ENTPD5: variants seen among roughly 807,000 people sequenced by gnomAD.
The protein encoded by ENTPD5 is nucleoside diphosphate phosphatase ENTPD5.
Under a neutral mutation model 60.2 loss-of-function variants are expected in ENTPD5, and 49 were observed. The ratio of observed to expected loss-of-function variants is 0.81; its 90% confidence interval spans 0.65 to 1.03. The LOEUF (loss-of-function observed/expected upper bound fraction) is 1.03. Among genes scored for constraint, ENTPD5 ranks in the 50% least tolerant of loss-of-function variants. The pLI, the probability that ENTPD5 is intolerant of heterozygous loss-of-function variation, is 0.00. For missense variants in ENTPD5, 480 were observed against 507.6 expected, an observed-to-expected ratio of 0.95 and a Z score of 0.52; for synonymous variants, 187 against 185.4, an observed-to-expected ratio of 1.01 and a Z score of -0.07.
chr14:73,961,841 TC>T, downstream of ENTPD5: 1 of 1,614,156 alleles, frequency 6.2e-7, no homozygotes. Context: ...TACCAGTGCC[TC>T]CCCGCTTGTG....
downstream of ENTPD5, chr14:73,961,464 C>G (rs1302685293): frequency 5.0e-6 from 8 of 1,614,056 alleles, no homozygotes; most frequent in Non-Finnish European, 6.8e-6. Flanking sequence ...GGGATGCAGC[C>G]CACAGAGTCC....
chr14:73,998,245 A>G (rs536639179), intron 3 of ENTPD5, among the ~76,000 whole-genome samples: 62 of 152,222 alleles, frequency 4.1e-4, no homozygotes, highest in African/African-American at 1.5e-3. Flanking sequence ...CCTGTTGTAC[A>G]AAGAAAGCAA....
At position 74,012,937 on chromosome 14, in the gene ENTPD5, C is replaced by T. The variant is rs578259445; in HGVS notation, c.-130-1787G>A. Reference sequence around the variant, plus strand: ...TCTAGTCTGCAGGATAAAAGACAAACTCCCTGTCTGACATTCTAAGTCATT... The same window carrying T: ...TCTAGTCTGCAGGATAAAAGACAAATTCCCTGTCTGACATTCTAAGTCATT... On this transcript the variant is annotated intron_variant, in intron 2 of 15. Transcript: ENST00000334696. Among the ~76,000 whole-genome samples, 12 of 152,338 alleles carry T rather than the reference C, an allele frequency of 7.9e-5. No individual in the cohort carries two copies. The South Asian group carries it at 1.2e-3, about 16-fold the overall frequency.
intron 6 of ENTPD5, 86 bp from the exon 7 acceptor site, chr14:73,977,460 A>G (rs370646199): frequency 2.0e-6 from 2 of 985,658 alleles, no homozygotes; most frequent in Non-Finnish European, 3.0e-6. Context: ...TGTAAGACTT[A>G]GAAAACTACT....
At position 73,964,841 on chromosome 14, in the gene ENTPD5, T is replaced by C. The variant is rs1228234490; in HGVS notation, c.*2087A>G. ...TAAGACCACTTAGAAGATAGGTAGA[T>C]TTCAGCTCAATATAAGGAATTTTTT... On this transcript the variant is annotated 3_prime_UTR_variant, in exon 16 of 16. Transcript: ENST00000334696. The C allele has an allele frequency of 6.6e-6, 1 of 151,140 alleles. No individual in the cohort carries two copies. Among genetic ancestry groups the C allele is most frequent in the African/African-American group, 2.4e-5 (1 of 41,414 alleles). The allele number at this position is 151,140 out of a possible 1,614,324, so 9.4% of individuals were successfully genotyped here.
chr14:73,977,937 A>G (rs560597628), intron 6 of ENTPD5, among the ~76,000 whole-genome samples: 8 of 152,316 alleles, frequency 5.3e-5, no homozygotes, highest in Middle Eastern at 3.4e-3. Context: ...TTGCAAAAAC[A>G]TCTTGCCTCT....
At chr14:73,987,748 C>A in intron 4 of ENTPD5, 138 bp downstream of exon 4, 1 of 670,928 alleles carries the variant, frequency 1.5e-6, no homozygotes, top group South Asian at 2.2e-5. Flanking sequence ...AATTGTAGTC[C>A]AAAGTTCTCT....
chr14:74,004,940 A>C (rs894958236), intron 3 of ENTPD5, among the ~76,000 whole-genome samples: 1 of 152,152 alleles, frequency 6.6e-6, no homozygotes, highest in Admixed American at 6.6e-5. Context: ...TGTAAGCTGT[A>C]ACCAGTATTT....
At position 73,982,083 on chromosome 14, in the gene ENTPD5, T is replaced by C. The variant is rs529219581; in HGVS notation, c.441+935A>G. Among the ~76,000 whole-genome samples, 12 of 152,284 alleles carry C rather than the reference T, an allele frequency of 7.9e-5. No homozygotes were observed. The South Asian group carries it at 2.5e-3, about 32-fold the overall frequency. On this transcript the variant is annotated intron_variant, in intron 6 of 15. Coordinates refer to ENST00000334696, the MANE Select transcript of ENTPD5 (RefSeq NM_001249.5). ...CCTAAAATATATAATTTTTTGTTTG[T>C]TTGTTTTTTGAGATGCAGTCTCGCT...
Position 73,987,985 on chromosome 14 carries a change from G to A in ENTPD5, c.118C>T (p.Pro40Ser). ...AAGGTGCTGGCGCTGACATTGATGG[G>A]GCACATGGAAGACAGGAAGATACCC... is the stretch of plus-strand genomic sequence containing the variant. ...FEGIFLSSMC[P>S]INVSASTLYG... The change falls in exon 4 of 16, where the codon CCC becomes TCC. Residue 40 changes from proline (P) to serine (S), a missense_variant. By Grantham distance (74) the Pro-to-Ser change is moderately conservative. Transcript: ENST00000334696. 6.2e-7 allele frequency: 1 copy of A among 1,614,106 alleles called. No individual in the cohort carries two copies. Among genetic ancestry groups the A allele is most frequent in the Non-Finnish European group, 8.5e-7 (1 of 1,180,038 alleles).
At chr14:74,007,393 T>C (rs1448922145) in intron 3 of ENTPD5, among the ~76,000 whole-genome samples, 3 of 152,016 alleles carry the variant, frequency 2.0e-5, no homozygotes, top group Non-Finnish European at 4.4e-5. Context: ...TGCTGGCGCA[T>C]GCCTGTAGTC....
At position 73,988,305 on chromosome 14, in the gene ENTPD5, G is replaced by A. The variant is rs539426933; in HGVS notation, c.-70-133C>T. 12 of 773,300 alleles carry A rather than the reference G, an allele frequency of 1.6e-5. No individual in the cohort carries two copies. The East Asian group carries it at 2.6e-4, about 17-fold the overall frequency. 47.9% of individuals were successfully genotyped at this position (773,300 alleles called of 1,614,324 possible). On this transcript the variant is annotated intron_variant, in intron 3 of 15. Coordinates refer to ENST00000334696, the MANE Select transcript of ENTPD5 (RefSeq NM_001249.5). ...AACCTGTACAACAAGCTAAACCAGG[G>A]TGATGTGGGCTCTTAGCACCTTTTC...
At chr14:73,993,152 CATG>C (rs2058207183) in intron 3 of ENTPD5, among the ~76,000 whole-genome samples, 1 of 152,032 alleles carries the variant, frequency 6.6e-6, no homozygotes, top group African/African-American at 2.4e-5. Context: ...GCTTGGGCAA[CATG>C]ATGAAACCCC....
chr14:73,979,151 T>C (rs2057567038), intron 6 of ENTPD5, among the ~76,000 whole-genome samples: 1 of 152,202 alleles, frequency 6.6e-6, no homozygotes, highest in African/African-American at 2.4e-5. Flanking sequence ...ACAAATGTCT[T>C]GTGTAACTTG....
chr14:74,014,140 G>A (rs1164179043), intron 2 of ENTPD5, among the ~76,000 whole-genome samples: 3 of 152,176 alleles, frequency 2.0e-5, no homozygotes, highest in Non-Finnish European at 4.4e-5. Context: ...AGGAACAGTA[G>A]TTAATGATTA....
In ENTPD5 at chr14:73,991,915, C is replaced by G. The variant is rs539021260; in HGVS notation, c.-70-3743G>C. 1.5e-3 allele frequency among the ~76,000 whole-genome samples: 220 copies of G among 151,666 alleles called. 2 individuals are homozygous for G. Among genetic ancestry groups the G allele is most frequent in the African/African-American group, 5.2e-3 (217 of 41,444 alleles). ...TCGGGAGCCTGAGGCAGGAGAATCA[C>G]TTGAACCCGGGAGGTGAAGGGTGCA... is the stretch of plus-strand genomic sequence containing the variant. On this transcript the variant is annotated intron_variant, in intron 3 of 15. Coordinates refer to ENST00000334696, the MANE Select transcript of ENTPD5 (RefSeq NM_001249.5).
intron 3 of ENTPD5, among the ~76,000 whole-genome samples, chr14:74,002,737 G>C (rs2058549926): frequency 6.6e-6 from 1 of 151,872 alleles, no homozygotes; most frequent in Admixed American, 6.6e-5. Context: ...CACTCCCCTG[G>C]AGTTTGTCTC....
At chr14:73,960,511 G>A (rs2056666973), downstream of ENTPD5, 2 of 995,842 alleles carry the variant, frequency 2.0e-6, no homozygotes, top group South Asian at 4.4e-5. Context: ...AATGGATTCC[G>A]AGATAAATGG....
rs762473699 is a variant in ENTPD5, at chr14:73,987,943, CA to C, written c.159del (p.Phe53LeufsTer26). On this transcript the variant is annotated frameshift_variant, in exon 4 of 16. Coordinates refer to ENST00000334696, the MANE Select transcript of ENTPD5 (RefSeq NM_001249.5). LOFTEE classifies it high-confidence loss of function. Reference protein sequence around the residue: ...VSASTLYGIMFDAGSTGTRIH... With the variant: ...VSASTLYGIMXDAGSTGTRIH... ...ATTCGAGTTCCAGTGCTCCCTGCAT[CA>C]AACATAATTCCATACAAGGTGCTGG... 1 of 1,614,048 alleles carries C rather than the reference CA, an allele frequency of 6.2e-7. No individual in the cohort carries two copies. Among genetic ancestry groups the C allele is most frequent in the Non-Finnish European group, 8.5e-7 (1 of 1,180,032 alleles).
Sources: gnomAD v4.1 joint callset for allele counts (sites outside exome capture counted in the v4.1 genomes callset) on GRCh38, gnomAD v4.1.1 for gene constraint, MANE v1.5 for transcripts, NCBI Gene and HGNC (gene_info 2026-07-23, HGNC 2026-07-21) for gene names.